CSMD1: variants seen among roughly 807,000 people sequenced by gnomAD.
The protein encoded by CSMD1 is CUB and sushi domain-containing protein 1.
Under a neutral mutation model 417.5 loss-of-function variants are expected in CSMD1, and 213 were observed. The ratio of observed to expected loss-of-function variants is 0.51; its 90% CI spans 0.46 to 0.57. The LOEUF (loss-of-function observed/expected upper bound fraction) is 0.57. Ranked by LOEUF, CSMD1 falls within the 20% of genes least tolerant of loss-of-function variation. The pLI is 0.00. For missense variants in CSMD1, 6,923 were observed against 4,529.7 expected (o/e 1.53, Z -15.17); for synonymous variants, 2,862 against 1,736.8 (o/e 1.65, Z -16.11).
chr8:3,542,698 T>C (rs1032883684), intron 10 of CSMD1, among the ~76,000 whole-genome samples: 1 of 152,206 alleles, frequency 6.6e-6, no homozygotes, highest in East Asian at 1.9e-4. Flanking sequence ...GTCTCAAGAA[T>C]AACTGTCAAA....
intron 3 of CSMD1, among the ~76,000 whole-genome samples, chr8:4,228,260 TC>T (rs1801483593): frequency 1.3e-5 from 2 of 152,198 alleles, no homozygotes; most frequent in Non-Finnish European, 2.9e-5. Context: ...TGTCATCCTT[TC>T]CAGTCACAGG....
intron 3 of CSMD1, among the ~76,000 whole-genome samples, chr8:4,390,889 T>C (rs937109971): frequency 6.6e-6 from 1 of 152,280 alleles, no homozygotes; most frequent in South Asian, 2.1e-4. Flanking sequence ...TATGTTGTCC[T>C]TAGTCCCCCA....
At chr8:4,590,637 G>A (rs1403609407) in intron 2 of CSMD1, among the ~76,000 whole-genome samples, 1 of 152,024 alleles carries the variant, frequency 6.6e-6, no homozygotes, top group African/African-American at 2.4e-5. Context: ...GTTCAAAGTT[G>A]TTGACTTTTA....
At chr8:4,202,253 G>C (rs983274328) in intron 3 of CSMD1, among the ~76,000 whole-genome samples, 3 of 152,100 alleles carry the variant, frequency 2.0e-5, no homozygotes, top group Non-Finnish European at 4.4e-5. Flanking sequence ...TCACAATTCA[G>C]TTAAGATTTT....
At chr8:4,351,740 T>C (rs886994878) in intron 3 of CSMD1, among the ~76,000 whole-genome samples, 2 of 152,158 alleles carry the variant, frequency 1.3e-5, no homozygotes, top group African/African-American at 4.8e-5. Flanking sequence ...CCTTCTAGGT[T>C]GAGCAAGACC....
At chr8:4,089,016 C>A (rs994592149) in intron 3 of CSMD1, among the ~76,000 whole-genome samples, 3 of 152,196 alleles carry the variant, frequency 2.0e-5, no homozygotes, top group Non-Finnish European at 2.9e-5. Flanking sequence ...TGCTGAGGGT[C>A]TCAAAACTTA....
At chr8:3,434,474 T>G (rs1379179960) in intron 12 of CSMD1, among the ~76,000 whole-genome samples, 1 of 152,226 alleles carries the variant, frequency 6.6e-6, no homozygotes, top group Non-Finnish European at 1.5e-5. Context: ...TCCCTGACAG[T>G]TAATATGTGT....
intron 54 of CSMD1, among the ~76,000 whole-genome samples, chr8:2,987,638 T>A (rs1806037424): frequency 6.6e-6 from 1 of 152,206 alleles, no homozygotes; most frequent in African/African-American, 2.4e-5. Context: ...ACATGACTTT[T>A]AAGTTAACAT....
chr8:3,691,280 T>C (rs997996964), intron 7 of CSMD1, among the ~76,000 whole-genome samples: 1 of 151,630 alleles, frequency 6.6e-6, no homozygotes, highest in African/African-American at 2.4e-5. Context: ...AAGCAGGAGA[T>C]CACTTGACCC....
intron 25 of CSMD1, among the ~76,000 whole-genome samples, chr8:3,307,095 G>A (rs1804922411): frequency 6.6e-6 from 1 of 152,100 alleles, no homozygotes; most frequent in Non-Finnish European, 1.5e-5. Flanking sequence ...ATATGACTTT[G>A]CTTCTCTTCC....
chr8:4,784,058 T>C (rs571817032), intron 1 of CSMD1, among the ~76,000 whole-genome samples: 4 of 152,316 alleles, frequency 2.6e-5, no homozygotes, highest in African/African-American at 9.6e-5. Context: ...AACTTTAACA[T>C]ATTTTTGAGG....
At chr8:3,759,800 C>T (rs576944208) in intron 5 of CSMD1, among the ~76,000 whole-genome samples, 36 of 148,422 alleles carry the variant, frequency 2.4e-4, no homozygotes, top group Non-Finnish European at 4.9e-4. Flanking sequence ...CGCAGCTACT[C>T]GGGAAGATGA....
chr8:3,043,130 C>CAT, intron 50 of CSMD1, among the ~76,000 whole-genome samples: 1 of 129,972 alleles, frequency 7.7e-6, no homozygotes, highest in Admixed American at 7.6e-5. Flanking sequence ...ATATATAGTA[C>CAT]ATATATATAG....
intron 5 of CSMD1, among the ~76,000 whole-genome samples, chr8:3,842,111 C>T (rs535556012): frequency 6.6e-6 from 1 of 152,178 alleles, no homozygotes; most frequent in Non-Finnish European, 1.5e-5. Flanking sequence ...TGCCTTCATT[C>T]TGCCTAATTC....
intron 3 of CSMD1, among the ~76,000 whole-genome samples, chr8:4,247,646 C>G (rs1476597540): frequency 6.6e-6 from 1 of 152,146 alleles, no homozygotes; most frequent in Non-Finnish European, 1.5e-5. Context: ...AGTAAGTTAT[C>G]ACCATTCAAC....
chr8:4,920,585 G>A (rs1806371840), intron 1 of CSMD1, among the ~76,000 whole-genome samples: 1 of 152,088 alleles, frequency 6.6e-6, no homozygotes, highest in African/African-American at 2.4e-5. Context: ...ACTTTGGGAG[G>A]CTGAGGCAGG....
intron 7 of CSMD1, among the ~76,000 whole-genome samples, chr8:3,623,187 T>A (rs182126037): frequency 1.3e-5 from 2 of 152,318 alleles, no homozygotes; most frequent in East Asian, 3.9e-4. Flanking sequence ...AAGTATAAAT[T>A]ACATATATTT....
intron 3 of CSMD1, among the ~76,000 whole-genome samples, chr8:4,419,445 A>T (rs1284883091): frequency 6.6e-6 from 1 of 152,166 alleles, no homozygotes; most frequent in Non-Finnish European, 1.5e-5. Context: ...CTAGGCACAA[A>T]ATCTGAAGAC....
At chr8:3,662,529 A>T (rs1023990138) in intron 7 of CSMD1, among the ~76,000 whole-genome samples, 8 of 152,220 alleles carry the variant, frequency 5.3e-5, no homozygotes, top group African/African-American at 1.9e-4. Flanking sequence ...TAGTAGAATG[A>T]CTTAAAATCC....
Sources: gnomAD v4.1 joint callset for allele counts (sites outside exome capture counted in the v4.1 genomes callset) on GRCh38, gnomAD v4.1.1 for gene constraint, MANE v1.5 for transcripts, NCBI Gene and HGNC (gene_info 2026-07-23, HGNC 2026-07-21) for gene names.